Variants in PEBP4 observed in about 807,000 individuals in gnomAD.
PEBP4 encodes the protein phosphatidylethanolamine-binding protein 4.
In PEBP4, 22 loss-of-function variants were observed where a neutral mutation model predicts 23.9. The observed-to-expected ratio is 0.92, with a 90% CI of 0.66 to 1.31. PEBP4 has a LOEUF of 1.31. PEBP4 is among the 40% of genes most tolerant of loss of function. PEBP4 has a pLI of 0.00. For missense variants in PEBP4, 324 were observed against 281.7 expected, an observed-to-expected ratio of 1.15 and a Z score of -1.07; for synonymous variants, 112 against 99.3, an observed-to-expected ratio of 1.13 and a Z score of -0.76.
At chr8:22,905,166 A>G (rs189030717) in intron 3 of PEBP4, among the ~76,000 whole-genome samples, 1 of 152,332 alleles carries the variant, frequency 6.6e-6, no homozygotes, top group East Asian at 1.9e-4. Context: ...ATTTTTAAAT[A>G]AAGTTATATA....
chr8:22,882,829 C>CCAGGGTG (rs1808292135), intron 3 of PEBP4, among the ~76,000 whole-genome samples: 1 of 152,120 alleles, frequency 6.6e-6, no homozygotes, highest in Non-Finnish European at 1.5e-5. Flanking sequence ...CCAAACCACC[C>CCAGGGTG]CAGGGTGGGT....
rs767446613 is a variant in PEBP4 at position 22,898,418 on chromosome 8, A to ACC, written c.258+21765_258+21766insGG. Among the ~76,000 whole-genome samples, 167 of 144,944 alleles carry ACC rather than the reference A, an allele frequency of 1.2e-3. 6 individuals are homozygous for ACC. Among genetic ancestry groups the ACC allele is most frequent in the Non-Finnish European group, 1.9e-3 (123 of 66,254 alleles). On this transcript the variant is annotated intron_variant, in intron 3 of 6. Transcript: ENST00000256404. Reference sequence around the variant, plus strand: ...AAAAAAAAAAAAAAAAAAAAAAAAAAAAAAAAAAAAAAACCCACCCAGTCT... The same window carrying ACC: ...AAAAAAAAAAAAAAAAAAAAAAAAAACCAAAAAAAAAAAAACCCACCCAGTCT...
chr8:22,881,431 G>A (rs566425678), intron 3 of PEBP4, among the ~76,000 whole-genome samples: 41 of 152,274 alleles, frequency 2.7e-4, no homozygotes, highest in African/African-American at 9.6e-4. Context: ...GTATTTATCT[G>A]TTCACTTTTC....
intron 4 of PEBP4, among the ~76,000 whole-genome samples, chr8:22,751,494 C>T (rs1026588748): frequency 6.6e-6 from 1 of 152,090 alleles, no homozygotes; most frequent in Non-Finnish European, 1.5e-5. Context: ...TGTGGATTTT[C>T]CCTTTCTCCT....
intron 3 of PEBP4, among the ~76,000 whole-genome samples, chr8:22,890,251 T>C (rs1045259692): frequency 2.6e-5 from 4 of 152,186 alleles, no homozygotes; most frequent in Non-Finnish European, 5.9e-5. Flanking sequence ...CTCAAGAGTC[T>C]GAGACTTTCA....
intron 6 of PEBP4, among the ~76,000 whole-genome samples, chr8:22,717,614 G>A (rs886683719): frequency 1.3e-5 from 2 of 152,178 alleles, no homozygotes; most frequent in Non-Finnish European, 2.9e-5. Flanking sequence ...TTGGAGCTGC[G>A]GCAGCCTCTT....
At chr8:22,714,125 T>G (rs1044037054) in intron 6 of PEBP4, among the ~76,000 whole-genome samples, 3 of 152,222 alleles carry the variant, frequency 2.0e-5, no homozygotes, top group African/African-American at 7.2e-5. Flanking sequence ...GGGCAGCCCC[T>G]GGACCCTGGC....
chr8:22,826,393 C>A (rs779436927), intron 3 of PEBP4, among the ~76,000 whole-genome samples: 4 of 152,128 alleles, frequency 2.6e-5, no homozygotes, highest in Non-Finnish European at 5.9e-5. Flanking sequence ...ATTCCACTTC[C>A]GTGATTTTTC....
chr8:22,723,584 T>A (rs959435871), intron 6 of PEBP4, among the ~76,000 whole-genome samples: 1 of 152,094 alleles, frequency 6.6e-6, no homozygotes, highest in Non-Finnish European at 1.5e-5. Context: ...ACATCTTTGG[T>A]GAGATCGGTA....
intron 4 of PEBP4, among the ~76,000 whole-genome samples, chr8:22,811,421 C>T (rs557191006): frequency 6.6e-6 from 1 of 152,226 alleles, no homozygotes; most frequent in African/African-American, 2.4e-5. Context: ...TTTGTAGCAA[C>T]ATTTTATTTA....
At position 22,927,735 on chromosome 8, in the gene PEBP4, A is replaced by T; in HGVS notation, c.-6-15T>A. On this transcript the variant is annotated splice_polypyrimidine_tract_variant and intron_variant, in intron 1 of 6. Transcript: ENST00000256404. Reference sequence around the variant, plus strand: ...CCCATGGGCACCTGGAACAGAAAGAACTTTAGAGCGGCTGGATCCCCTGCA... The same window carrying T: ...CCCATGGGCACCTGGAACAGAAAGATCTTTAGAGCGGCTGGATCCCCTGCA... 6.2e-7 allele frequency: 1 copy of T among 1,612,952 alleles called. No individual in the cohort carries two copies.
In PEBP4 at chr8:22,775,878, C is replaced by T. The variant is rs1444734514; in HGVS notation, c.357+41759G>A. Among the ~76,000 whole-genome samples, 1 of 152,116 alleles carries T rather than the reference C, an allele frequency of 6.6e-6. No homozygotes were observed. The highest frequency in any genetic ancestry group is 2.1e-4 in the South Asian group (1 of 4,828). ...CTCCTTGGCTCTTGGGGGGGTTTCC[C>T]GTTCTGGAGGCGCCGGCAGTGAGCT... On this transcript the variant is annotated intron_variant, in intron 4 of 6. Transcript: ENST00000256404. The surrounding 1 kb of genome is among the most constrained non-coding windows in gnomAD (Gnocchi z 4.8).
chr8:22,836,998 A>T (rs1156892861), intron 3 of PEBP4, among the ~76,000 whole-genome samples: 2 of 152,196 alleles, frequency 1.3e-5, no homozygotes, highest in African/African-American at 4.8e-5. Flanking sequence ...CACCATCCTA[A>T]CCATTTCCTC....
chr8:22,845,429 G>GGAGGCT (rs904765515), intron 3 of PEBP4, among the ~76,000 whole-genome samples: 16 of 152,162 alleles, frequency 1.1e-4, no homozygotes, highest in Admixed American at 4.6e-4. Flanking sequence ...TAGCTACTCA[G>GGAGGCT]GAGGCTGAGG....
chr8:22,885,699 C>G (rs757498175), intron 3 of PEBP4: 2 of 152,252 alleles, frequency 1.3e-5, no homozygotes, highest in African/African-American at 2.4e-5. Flanking sequence ...GCTAGTGAAG[C>G]TACTCTGCCC....
chr8:22,763,667 T>C (rs1805555207), intron 4 of PEBP4, among the ~76,000 whole-genome samples: 1 of 152,198 alleles, frequency 6.6e-6, no homozygotes, highest in Non-Finnish European at 1.5e-5. Context: ...CCCAGCCTAC[T>C]AGGCTAATTA....
chr8:22,733,844 G>T (rs1242950644), intron 4 of PEBP4, among the ~76,000 whole-genome samples: 1 of 67,544 alleles, frequency 1.5e-5, no homozygotes, highest in African/African-American at 3.9e-5. Context: ...GGGGAATTGG[G>T]GAGGGTGGGG....
chr8:22,828,093 C>G (rs999405606), intron 3 of PEBP4, among the ~76,000 whole-genome samples: 8 of 152,088 alleles, frequency 5.3e-5, no homozygotes, highest in Admixed American at 4.6e-4. Flanking sequence ...GATTATCTAT[C>G]CAGAAATAAT....
intron 4 of PEBP4, among the ~76,000 whole-genome samples, chr8:22,781,593 G>A (rs891694197): frequency 2.0e-5 from 3 of 152,092 alleles, no homozygotes; most frequent in African/African-American, 7.2e-5. Flanking sequence ...GGCCTGGGCG[G>A]GGGTAGGAGT....
Sources: gnomAD v4.1 joint callset for allele counts (sites outside exome capture counted in the v4.1 genomes callset) on GRCh38, gnomAD v4.1.1 for gene constraint, Gnocchi (gnomAD v3.1) non-coding constraint, MANE v1.5 for transcripts, NCBI Gene and HGNC (gene_info 2026-07-23, HGNC 2026-07-21) for gene names.